Variants in GLIS3 observed in about 807,000 individuals in gnomAD.
GLIS3 encodes zinc finger protein GLIS3.
A neutral mutation model predicts 78.6 loss-of-function variants in GLIS3; 53 were observed. That is an observed-to-expected ratio of 0.67 (90% CI 0.54 to 0.85). The LOEUF is 0.85. Among genes scored for constraint, GLIS3 ranks in the 40% least tolerant of loss-of-function variants. The pLI, the probability that GLIS3 is intolerant of heterozygous loss-of-function variation, is 0.00. For synonymous variants in GLIS3, 684 were observed against 509.9 expected, an observed-to-expected ratio of 1.34 and a Z score of -4.60; for missense variants, 1,703 against 1,231.1, an observed-to-expected ratio of 1.38 and a Z score of -5.74.
At chr9:4,213,097 T>C (rs1440542445) in intron 2 of GLIS3, among the ~76,000 whole-genome samples, 2 of 152,186 alleles carry the variant, frequency 1.3e-5, no homozygotes, top group East Asian at 1.9e-4. Context: ...GTGCCATCAA[T>C]TCACCCCTCC....
intron 4 of GLIS3, among the ~76,000 whole-genome samples, chr9:4,100,731 G>A (rs890307707): frequency 2.0e-5 from 3 of 151,996 alleles, no homozygotes; most frequent in African/African-American, 7.3e-5. Context: ...ATATTGAGGG[G>A]GGGACAAAGG....
the GLIS3 span, among the ~76,000 whole-genome samples, chr9:4,407,430 G>C: frequency 6.6e-6 from 1 of 152,216 alleles, no homozygotes; most frequent in Non-Finnish European, 1.5e-5. Flanking sequence ...TGGATCACGA[G>C]GTCAGGAGAT....
chr9:4,394,103 A>G, the GLIS3 span, among the ~76,000 whole-genome samples: 1 of 151,992 alleles, frequency 6.6e-6, no homozygotes, highest in African/African-American at 2.4e-5. Context: ...AAGAAAAAAG[A>G]GTTTTTGACT....
At position 3,824,486 on chromosome 9, in the gene GLIS3, C is replaced by T. The variant is rs756526331; in HGVS notation, c.*3786G>A. The T allele has an allele frequency of 6.6e-5, 10 of 152,228 alleles. No homozygotes were observed. The highest frequency in any genetic ancestry group is 1.9e-4 in the East Asian group (1 of 5,204). 9.4% of individuals were successfully genotyped at this position (152,228 alleles called of 1,614,324 possible). ...GGCAGGAGGGCGTCTTCTCTATTTC[C>T]AGTTTTATTCTGTACCAAGTGCACA... On this transcript the variant is annotated 3_prime_UTR_variant, in exon 11 of 11. Coordinates refer to ENST00000381971, the MANE Select transcript of GLIS3 (RefSeq NM_001042413.2).
the GLIS3 span, among the ~76,000 whole-genome samples, chr9:4,472,848 G>A: frequency 6.6e-6 from 1 of 152,048 alleles, no homozygotes; most frequent in African/African-American, 2.4e-5. Context: ...GATATTAAAT[G>A]AACTTAGCAA....
At chr9:4,369,530 C>G in the GLIS3 span, among the ~76,000 whole-genome samples, 1 of 152,110 alleles carries the variant, frequency 6.6e-6, no homozygotes, top group African/African-American at 2.4e-5. Flanking sequence ...AACATGGTGC[C>G]ACAGGAAGAA....
At chr9:4,264,693 T>C (rs1167769924) in intron 2 of GLIS3, among the ~76,000 whole-genome samples, 1 of 152,148 alleles carries the variant, frequency 6.6e-6, no homozygotes, top group African/African-American at 2.4e-5. Flanking sequence ...AATATTCTCC[T>C]CATCCCTCTG....
chr9:4,152,811 C>A (rs1432968200), intron 2 of GLIS3, among the ~76,000 whole-genome samples: 1 of 152,090 alleles, frequency 6.6e-6, no homozygotes, highest in Non-Finnish European at 1.5e-5. Flanking sequence ...ATTAAAAATT[C>A]TTAAGAATGG....
At chr9:4,054,812 G>C (rs563521179) in intron 4 of GLIS3, among the ~76,000 whole-genome samples, 2 of 151,644 alleles carry the variant, frequency 1.3e-5, no homozygotes, top group Admixed American at 1.3e-4. Flanking sequence ...CAAAACACTT[G>C]AGAAACTGTC....
intron 1 of GLIS3, chr9:4,298,460 G>A (rs950050416): frequency 6.7e-6 from 3 of 449,736 alleles, no homozygotes; most frequent in Non-Finnish European, 8.9e-6. Flanking sequence ...CCCGGTCCCC[G>A]AGGTGACTTG....
rs551159318 is a variant in GLIS3 at position 4,255,526 on chromosome 9, C to G, written c.388+30512G>C. On this transcript the variant is annotated intron_variant, in intron 2 of 10. Coordinates refer to ENST00000381971, the MANE Select transcript of GLIS3 (RefSeq NM_001042413.2). ...TATATCCAGACAATGGAATATTATT[C>G]AGTGCTAAAAAGAAATGAGCTATCA... is the stretch of plus-strand genomic sequence containing the variant. Among the ~76,000 whole-genome samples the G allele has an allele frequency of 2.8e-4, 43 of 152,258 alleles. No homozygotes were observed. The South Asian group carries it at 8.7e-3, about 31-fold the overall frequency.
intron 4 of GLIS3, among the ~76,000 whole-genome samples, chr9:3,996,657 G>C (rs961222165): frequency 2.0e-5 from 3 of 152,108 alleles, no homozygotes; most frequent in South Asian, 4.1e-4. Flanking sequence ...ACCTGAAATA[G>C]TAGAAGGAAG....
intron 6 of GLIS3, among the ~76,000 whole-genome samples, chr9:3,908,373 G>C (rs1267896387): frequency 6.6e-6 from 1 of 152,194 alleles, no homozygotes; most frequent in Admixed American, 6.5e-5. Context: ...CCTGCAGGAA[G>C]GCTCATGGAC....
chr9:3,988,777 A>C (rs1238416187), intron 4 of GLIS3, among the ~76,000 whole-genome samples: 1 of 152,170 alleles, frequency 6.6e-6, no homozygotes, highest in Non-Finnish European at 1.5e-5. Context: ...TGGAATATAG[A>C]CCTAAATGTA....
chr9:3,869,888 G>A (rs1487333637), intron 8 of GLIS3, among the ~76,000 whole-genome samples: 2 of 152,178 alleles, frequency 1.3e-5, no homozygotes, highest in South Asian at 2.1e-4. Flanking sequence ...TTCATCAAGG[G>A]AACTTGATTT....
chr9:4,106,521 C>T (rs1830764052), intron 4 of GLIS3, among the ~76,000 whole-genome samples: 1 of 152,042 alleles, frequency 6.6e-6, no homozygotes, highest in Non-Finnish European at 1.5e-5. Context: ...TTATAAAGAG[C>T]CAGGCAATTT....
the GLIS3 span, among the ~76,000 whole-genome samples, chr9:4,478,980 C>T: frequency 6.6e-6 from 1 of 152,158 alleles, no homozygotes; most frequent in East Asian, 1.9e-4. Flanking sequence ...AAATTAATTT[C>T]CACTATGAAG....
At position 3,908,715 on chromosome 9, in the gene GLIS3, T is replaced by G. The variant is rs921780911; in HGVS notation, c.1984-9880A>C. Among the ~76,000 whole-genome samples, 44 of 143,726 alleles carry G rather than the reference T, an allele frequency of 3.1e-4. 1 individual carries two copies. The highest frequency in any genetic ancestry group is 1.3e-3 in the South Asian group (6 of 4,476). The allele number at this position is 143,726 out of a possible 152,430, so 94.3% of individuals were successfully genotyped here. A position where few individuals can be genotyped will look rare whatever the true frequency, so the allele number is the denominator to read the frequency against. Reference sequence around the variant, plus strand: ...ATTGTGATTTGTATTTGTTTTTTTTTTTTTTTTTTTTTTGTACAGGATTAT... The same window carrying G: ...ATTGTGATTTGTATTTGTTTTTTTTGTTTTTTTTTTTTTGTACAGGATTAT... On this transcript the variant is annotated intron_variant, in intron 6 of 10. Coordinates refer to ENST00000381971, the MANE Select transcript of GLIS3 (RefSeq NM_001042413.2).
chr9:4,368,670 T>G, the GLIS3 span, among the ~76,000 whole-genome samples: 2 of 152,208 alleles, frequency 1.3e-5, no homozygotes, highest in Non-Finnish European at 2.9e-5. Flanking sequence ...CCCCTCTTCT[T>G]AAGCCAAGCA....
Sources: allele counts gnomAD v4.1 joint callset (sites outside exome capture counted in the v4.1 genomes callset), GRCh38; gene constraint gnomAD v4.1.1; transcripts MANE v1.5; gene names NCBI Gene and HGNC (gene_info 2026-07-23, HGNC 2026-07-21).